The following STK3 variants were observed in gnomAD, a reference collection of about 807,000 sequenced individuals.
The protein encoded by STK3 is serine/threonine kinase 3.
A neutral mutation model predicts 58.0 loss-of-function variants in STK3; 41 were observed. The ratio of observed to expected loss-of-function variants is 0.71; its 90% CI spans 0.55 to 0.92. STK3 has a LOEUF of 0.92. STK3 is among the 40% of genes least tolerant of loss of function. The probability of loss-of-function intolerance (pLI) is 0.00; values close to 1 mark genes in which losing one functional copy is unlikely to be tolerated. For missense variants in STK3, 479 were observed against 602.7 expected, an observed-to-expected ratio of 0.79 and a Z score of 2.15; for synonymous variants, 170 against 191.0, an observed-to-expected ratio of 0.89 and a Z score of 0.91.
intron 3 of STK3, among the ~76,000 whole-genome samples, chr8:98,858,398 A>C (rs1836792971): frequency 6.9e-6 from 1 of 145,064 alleles, no homozygotes; most frequent in Non-Finnish European, 1.5e-5. Flanking sequence ...ATAACTCCTG[A>C]CCTCGTGATC....
chr8:98,848,646 T>G (rs1434964749), intron 3 of STK3, among the ~76,000 whole-genome samples: 1 of 152,232 alleles, frequency 6.6e-6, no homozygotes, highest in Non-Finnish European at 1.5e-5. Flanking sequence ...AGCATAACAT[T>G]GTCAAGGTTC....
At chr8:98,632,323 T>C (rs900490283) in intron 6 of STK3, among the ~76,000 whole-genome samples, 1 of 152,192 alleles carries the variant, frequency 6.6e-6, no homozygotes. Flanking sequence ...AAGAGAATAA[T>C]AGATACCTAC....
At chr8:98,588,467 C>A (rs1490807162) in intron 7 of STK3, among the ~76,000 whole-genome samples, 1 of 151,448 alleles carries the variant, frequency 6.6e-6, no homozygotes, top group East Asian at 1.9e-4. Flanking sequence ...CTGAGAGATC[C>A]GCTGTTAGTC....
intron 6 of STK3, among the ~76,000 whole-genome samples, chr8:98,702,870 AC>A (rs1825717374): frequency 6.6e-6 from 1 of 152,124 alleles, no homozygotes; most frequent in African/African-American, 2.4e-5. Context: ...TTTGTCTCTA[AC>A]TTTGTTCTAG....
At chr8:98,710,979 A>G (rs1826373174) in intron 4 of STK3, among the ~76,000 whole-genome samples, 1 of 152,182 alleles carries the variant, frequency 6.6e-6, no homozygotes, top group Admixed American at 6.5e-5. Flanking sequence ...TTTGCTGTTC[A>G]CCAATATCCA....
chr8:98,455,982 C>T lies in STK3; in HGVS notation c.1336G>A (p.Glu446Lys). 6.2e-7 allele frequency: 1 copy of T among 1,609,336 alleles called. No homozygotes were observed. The highest frequency in any genetic ancestry group is 8.5e-7 in the Non-Finnish European group (1 of 1,177,784). The change falls in exon 11 of 11, where the codon GAA becomes AAA. Residue 446 changes from glutamate (E) to lysine (K), a missense_variant. This residue lies in a region of STK3 where 309 missense variants were observed against 355.7 expected (regional missense o/e 0.87). Coordinates refer to ENST00000419617, the MANE Select transcript of STK3 (RefSeq NM_006281.4). The part of the protein sequence containing the change: ...DFDFLKNLSL[E>K]ELQMRLKALD... Reference sequence around the variant, plus strand: ...GCTTTTAACCGCATCTGTAGTTCTTCTAAACTTAGATTTTTCAACTAGATA... The same window carrying T: ...GCTTTTAACCGCATCTGTAGTTCTTTTAAACTTAGATTTTTCAACTAGATA...
At chr8:98,543,091 C>T (rs980254214) in intron 9 of STK3, among the ~76,000 whole-genome samples, 1 of 152,114 alleles carries the variant, frequency 6.6e-6, no homozygotes, top group Admixed American at 6.5e-5. Flanking sequence ...TTATTCCTAA[C>T]CTGGGGTTGA....
At chr8:98,648,667 T>C (rs977347675) in intron 6 of STK3, among the ~76,000 whole-genome samples, 4 of 152,206 alleles carry the variant, frequency 2.6e-5, no homozygotes, top group Non-Finnish European at 4.4e-5. Flanking sequence ...CCAAGGCAGA[T>C]GAATCACTTG....
intron 3 of STK3, among the ~76,000 whole-genome samples, chr8:98,869,511 G>A (rs929891340): frequency 1.3e-5 from 2 of 152,110 alleles, no homozygotes; most frequent in East Asian, 1.9e-4. Flanking sequence ...AATGATAGGT[G>A]TCCTTATAGA....
chr8:98,431,164 G>C (rs529144795), intron 3 of STK3: 18 of 167,228 alleles, frequency 1.1e-4, no homozygotes. Flanking sequence ...TACCTCATTG[G>C]AGGTGTGGCA....
At chr8:98,502,940 C>T (rs568612339) in intron 10 of STK3, among the ~76,000 whole-genome samples, 2 of 152,182 alleles carry the variant, frequency 1.3e-5, no homozygotes, top group Non-Finnish European at 2.9e-5. Flanking sequence ...GGAGAATTCC[C>T]TCTTTTTCTA....
intron 6 of STK3, among the ~76,000 whole-genome samples, chr8:98,655,961 T>C (rs1157407662): frequency 6.6e-6 from 1 of 152,110 alleles, no homozygotes; most frequent in African/African-American, 2.4e-5. Flanking sequence ...AGAAATACCA[T>C]TGACCCAGCT....
chr8:98,563,355 C>T (rs1233864984), intron 8 of STK3, among the ~76,000 whole-genome samples: 2 of 152,012 alleles, frequency 1.3e-5, no homozygotes, highest in Non-Finnish European at 2.9e-5. Flanking sequence ...TCAGACACAA[C>T]AGTATAAATT....
chr8:98,821,531 G>GT (rs1286622964), intron 1 of STK3, among the ~76,000 whole-genome samples: 1 of 151,428 alleles, frequency 6.6e-6, no homozygotes. Context: ...ATGGTGGTGC[G>GT]TGCTTGTGGT....
chr8:98,373,218 A>G (rs1423615520), intron 2 of STK3, among the ~76,000 whole-genome samples: 1 of 152,024 alleles, frequency 6.6e-6, no homozygotes, highest in Non-Finnish European at 1.5e-5. Context: ...TCTGTTTTTG[A>G]GCCATATCAG....
At chr8:98,479,596 G>A (rs1408754068) in intron 10 of STK3, among the ~76,000 whole-genome samples, 1 of 151,100 alleles carries the variant, frequency 6.6e-6, no homozygotes, top group East Asian at 1.9e-4. Flanking sequence ...ATAAACTGTG[G>A]ACAAAACACA....
At chr8:98,378,489 A>G (rs543766444) in intron 2 of STK3, among the ~76,000 whole-genome samples, 57 of 152,332 alleles carry the variant, frequency 3.7e-4, no homozygotes, top group African/African-American at 1.2e-3. Flanking sequence ...ACTTGGGCAA[A>G]TTATTTACAT....
intron 8 of STK3, among the ~76,000 whole-genome samples, chr8:98,573,444 C>T (rs1051730087): frequency 1.3e-5 from 2 of 151,974 alleles, no homozygotes; most frequent in Non-Finnish European, 2.9e-5. Flanking sequence ...CCTGAGAACT[C>T]ATTCACTATC....
chr8:98,798,175 A>C (rs1254607965), intron 1 of STK3, among the ~76,000 whole-genome samples: 1 of 152,240 alleles, frequency 6.6e-6, no homozygotes, highest in Non-Finnish European at 1.5e-5. Flanking sequence ...TGGCTACATT[A>C]TTCTCCAGGA....
Sources: allele counts gnomAD v4.1 joint callset (sites outside exome capture counted in the v4.1 genomes callset), GRCh38; gene constraint gnomAD v4.1.1; regional missense constraint gnomAD v4.1.1; transcripts MANE v1.5; gene names NCBI Gene and HGNC (gene_info 2026-07-23, HGNC 2026-07-21).